The following MAP7 variants were observed in gnomAD, a reference collection of about 807,000 sequenced individuals.
The protein encoded by MAP7 is ensconsin.
Under a neutral mutation model 94.8 loss-of-function variants are expected in MAP7, and 52 were observed. The observed-to-expected ratio is 0.55, with a 90% CI of 0.44 to 0.69. MAP7 has a LOEUF of 0.69. Among genes scored for constraint, MAP7 ranks in the 30% least tolerant of loss-of-function variants. The probability of loss-of-function intolerance (pLI) is 0.00; values close to 1 mark genes in which losing one functional copy is unlikely to be tolerated. For synonymous variants in MAP7, 350 were observed against 357.0 expected (o/e 0.98, Z 0.22); for missense variants, 940 against 964.6 (o/e 0.97, Z 0.34).
intron 1 of MAP7, among the ~76,000 whole-genome samples, chr6:136,474,672 G>A (rs1320065156): frequency 6.6e-6 from 1 of 151,920 alleles, no homozygotes; most frequent in East Asian, 1.9e-4. Flanking sequence ...TATATTTTAT[G>A]TAGTTTATTC....
intron 5 of MAP7, among the ~76,000 whole-genome samples, chr6:136,384,920 C>T (rs1479796597): frequency 6.6e-6 from 1 of 152,206 alleles, no homozygotes; most frequent in Non-Finnish European, 1.5e-5. Context: ...TCAAATAACA[C>T]TGCATGTAAT....
chr6:136,415,274 A>G (rs1271730500), intron 2 of MAP7, among the ~76,000 whole-genome samples: 1 of 152,220 alleles, frequency 6.6e-6, no homozygotes, highest in African/African-American at 2.4e-5. Context: ...TTTAATTATA[A>G]AAGTTGAAAA....
chr6:136,451,427 GAAGAA>G (rs896854612), intron 1 of MAP7, among the ~76,000 whole-genome samples: 4 of 152,300 alleles, frequency 2.6e-5, no homozygotes, highest in African/African-American at 9.6e-5. Flanking sequence ...CTGCTGTTCA[GAAGAA>G]AAGATTCTTT....
chr6:136,376,765 G>A (rs973852201), intron 7 of MAP7, among the ~76,000 whole-genome samples: 4 of 152,214 alleles, frequency 2.6e-5, no homozygotes, highest in South Asian at 2.1e-4. Flanking sequence ...GCTTGCCTTC[G>A]TGACTGTCTC....
intron 1 of MAP7, among the ~76,000 whole-genome samples, chr6:136,505,786 T>C (rs1821336060): frequency 6.6e-6 from 1 of 151,938 alleles, no homozygotes; most frequent in African/African-American, 2.4e-5. Flanking sequence ...TTGAAAAAAA[T>C]AAAAATCTAA....
intron 1 of MAP7, among the ~76,000 whole-genome samples, chr6:136,527,257 A>C (rs1438564073): frequency 6.6e-6 from 1 of 152,176 alleles, no homozygotes; most frequent in African/African-American, 2.4e-5. Flanking sequence ...CCACTTCTAG[A>C]CTGCTTAAAA....
chr6:136,494,032 A>C (rs1216506155), intron 1 of MAP7, among the ~76,000 whole-genome samples: 1 of 152,224 alleles, frequency 6.6e-6, no homozygotes, highest in East Asian at 1.9e-4. Flanking sequence ...TTTGTACCAT[A>C]TAAAACCACT....
chr6:136,383,569 G>A (rs898105858), intron 6 of MAP7, 102 bp downstream of exon 6: 4 of 597,630 alleles, frequency 6.7e-6, no homozygotes, highest in Admixed American at 3.7e-5. Flanking sequence ...TTTAAGAAAC[G>A]TAGGGAAAGC....
intron 10 of MAP7, among the ~76,000 whole-genome samples, chr6:136,363,169 G>A (rs542366965): frequency 2.6e-5 from 4 of 152,250 alleles, no homozygotes; most frequent in Non-Finnish European, 4.4e-5. Context: ...CCTATGAAGA[G>A]GACCCTTTTG....
intron 1 of MAP7, among the ~76,000 whole-genome samples, chr6:136,465,540 C>T (rs1193994927): frequency 3.9e-5 from 6 of 152,014 alleles, no homozygotes; most frequent in Non-Finnish European, 2.9e-5. Context: ...GTCAGTTAGC[C>T]GATTAAATAT....
chr6:136,446,143 T>C (rs1313088187), intron 1 of MAP7, among the ~76,000 whole-genome samples: 1 of 152,114 alleles, frequency 6.6e-6, no homozygotes, highest in Admixed American at 6.5e-5. Flanking sequence ...CAAAGGATAC[T>C]GATGATCATC....
At position 136,361,042 on chromosome 6, in the gene MAP7, AGCGCCCG is replaced by A; in HGVS notation, c.1657_1663del (p.Arg553CysfsTer53). ...GCGCTCTGCCTCCTCCCGCTCGCGC[AGCGCCCG>A]CTCCTCCGCCTGCCGCTGCAGCTGC... On this transcript the variant is annotated frameshift_variant, in exon 12 of 18. Coordinates refer to ENST00000354570, the MANE Select transcript of MAP7 (RefSeq NM_003980.6). LOFTEE classifies it high-confidence loss of function. The A allele has an allele frequency of 6.3e-7, 1 of 1,584,818 alleles. No homozygotes were observed. Among genetic ancestry groups the A allele is most frequent in the South Asian group, 1.1e-5 (1 of 89,426 alleles).
chr6:136,423,808 G>GT (rs1219817396), intron 1 of MAP7, among the ~76,000 whole-genome samples: 1 of 121,112 alleles, frequency 8.3e-6, no homozygotes, highest in South Asian at 2.7e-4. Context: ...TTTTTGTTTT[G>GT]TTTTTTGAGA....
chr6:136,534,074 G>A (rs963561921), intron 1 of MAP7, among the ~76,000 whole-genome samples: 1 of 152,186 alleles, frequency 6.6e-6, no homozygotes, highest in African/African-American at 2.4e-5. Flanking sequence ...AAAGCGATTT[G>A]TATGATTCTG....
At chr6:136,403,682 A>G (rs1784796908) in intron 3 of MAP7, among the ~76,000 whole-genome samples, 1 of 152,048 alleles carries the variant, frequency 6.6e-6, no homozygotes, top group African/African-American at 2.4e-5. Flanking sequence ...TTTTATCTTC[A>G]CTCTTAAAGG....
chr6:136,498,334 C>T (rs144461096), intron 1 of MAP7, among the ~76,000 whole-genome samples: 6 of 152,082 alleles, frequency 3.9e-5, no homozygotes, highest in South Asian at 2.1e-4. Context: ...GAATAGGGCC[C>T]GTACATAGAG....
chr6:136,548,097 ACCCCCCCCCACCC>A (rs1182258835), intron 1 of MAP7, among the ~76,000 whole-genome samples: 2 of 44,882 alleles, frequency 4.5e-5, no homozygotes, highest in Non-Finnish European at 1.0e-4. Flanking sequence ...CACCACCACC[ACCCCCCCCCACCC>A]CCCCAACAAT....
intron 1 of MAP7, among the ~76,000 whole-genome samples, chr6:136,440,731 G>A (rs1196994055): frequency 6.6e-6 from 1 of 151,898 alleles, no homozygotes; most frequent in African/African-American, 2.4e-5. Context: ...ACAGTGAGCA[G>A]AGGATGGAGG....
chr6:136,480,926 A>G (rs1156865829), intron 1 of MAP7, among the ~76,000 whole-genome samples: 2 of 152,172 alleles, frequency 1.3e-5, no homozygotes, highest in East Asian at 3.8e-4. Context: ...CTATAGGAAA[A>G]TATCTAATGA....
Sources: gnomAD v4.1 joint callset for allele counts (sites outside exome capture counted in the v4.1 genomes callset) on GRCh38, gnomAD v4.1.1 for gene constraint, MANE v1.5 for transcripts, NCBI Gene and HGNC (gene_info 2026-07-23, HGNC 2026-07-21) for gene names.